Variants in FER1L6 observed in about 807,000 individuals in gnomAD.
FER1L6 encodes fer-1 like family member 6, also known as fer-1-like protein 6.
In FER1L6, 177 loss-of-function variants were observed where a neutral mutation model predicts 219.2. The ratio of observed to expected loss-of-function variants is 0.81; its 90% CI spans 0.71 to 0.91. The LOEUF is 0.91. FER1L6 is among the 40% of genes least tolerant of loss of function. The pLI, the probability that FER1L6 is intolerant of heterozygous loss-of-function variation, is 0.00. For missense variants in FER1L6, 2,153 were observed against 2,259.9 expected (o/e 0.95, Z 0.96); for synonymous variants, 768 against 824.3 (o/e 0.93, Z 1.17).
chr8:124,053,708 T>C (rs1457697596), intron 22 of FER1L6, among the ~76,000 whole-genome samples: 4 of 151,920 alleles, frequency 2.6e-5, no homozygotes, highest in African/African-American at 9.7e-5. Context: ...AACATAAAAA[T>C]TCAGCCGGGT....
At position 123,973,461 on chromosome 8, in the gene FER1L6, G is replaced by A. The variant is rs1312365350; in HGVS notation, c.475G>A (p.Val159Ile). ...SVFHHKLIGSVLIGSFKVDLG... is the reference protein window; with the variant it reads ...SVFHHKLIGSILIGSFKVDLG... ...CTTTCACCACAAGCTGATAGGAAGTGTACTGATTGGCTCTTTCAAAGTAGA... is the reference window on the plus strand; with the variant it reads ...CTTTCACCACAAGCTGATAGGAAGTATACTGATTGGCTCTTTCAAAGTAGA... The change falls in exon 7 of 41, where the codon GTA becomes ATA. Residue 159 changes from valine (V) to isoleucine (I), a missense_variant. By Grantham distance (29) the Val-to-Ile change is conservative. Coordinates refer to ENST00000522917, the MANE Select transcript of FER1L6 (RefSeq NM_001039112.2). 2.5e-6 allele frequency: 4 copies of A among 1,614,066 alleles called. No individual in the cohort carries two copies. The South Asian group carries it at 3.3e-5, about 13-fold the overall frequency.
intron 18 of FER1L6, among the ~76,000 whole-genome samples, chr8:124,032,631 C>A (rs1819022258): frequency 6.6e-6 from 1 of 151,214 alleles, no homozygotes; most frequent in Non-Finnish European, 1.5e-5. Context: ...GTCCAAGCTA[C>A]TTGAGAGGCT....
intron 1 of FER1L6, among the ~76,000 whole-genome samples, chr8:123,941,845 G>A (rs148437954): frequency 7.8e-4 from 118 of 152,200 alleles, no homozygotes; most frequent in African/African-American, 2.7e-3. Flanking sequence ...ACCTTGAAAG[G>A]GTACTGGATT....
chr8:124,095,407 C>T (rs1822239175), intron 35 of FER1L6, among the ~76,000 whole-genome samples: 1 of 152,128 alleles, frequency 6.6e-6, no homozygotes, highest in South Asian at 2.1e-4. Context: ...AAAACTTAAC[C>T]CATTGGGTAT....
At chr8:123,934,084 C>T (rs1813889615) in intron 1 of FER1L6, among the ~76,000 whole-genome samples, 1 of 152,152 alleles carries the variant, frequency 6.6e-6, no homozygotes, top group Non-Finnish European at 1.5e-5. Context: ...CCCTCCACTC[C>T]ACTCAGGAAA....
intron 12 of FER1L6, among the ~76,000 whole-genome samples, chr8:124,000,525 A>T (rs1817358711): frequency 6.6e-6 from 1 of 152,184 alleles, no homozygotes; most frequent in Non-Finnish European, 1.5e-5. Flanking sequence ...ATTCAGACAT[A>T]CTTGGATTCC....
At position 124,039,895 on chromosome 8, in the gene FER1L6, T is replaced by C. The variant is rs1379621219; in HGVS notation, c.2478T>C (p.Phe826=). The change falls in exon 20 of 41, where the codon TTT becomes TTC. Residue 826 remains phenylalanine (F), a synonymous_variant. Transcript: ENST00000522917. ...ATTTGTCCACAGAACAGCATGTTTT[T>C]CAGCTGAGGGCTCACATGTACCAAG... The part of the protein sequence containing the change: ...SNLLYQEQHV[F]QLRAHMYQAR... 2 of 1,614,146 alleles carry C rather than the reference T, an allele frequency of 1.2e-6. No homozygotes were observed.
intron 31 of FER1L6, among the ~76,000 whole-genome samples, chr8:124,073,606 T>G (rs193181251): frequency 6.6e-6 from 1 of 152,352 alleles, no homozygotes; most frequent in Admixed American, 6.5e-5. Context: ...GTTGGCCATT[T>G]TTTTCTAGAT....
intron 13 of FER1L6, among the ~76,000 whole-genome samples, chr8:124,004,445 C>T (rs529316054): frequency 7.9e-5 from 12 of 152,256 alleles, no homozygotes; most frequent in East Asian, 5.8e-4. Context: ...TACATCTCTA[C>T]GCTCCTCAGT....
chr8:123,973,596 G>C, intron 7 of FER1L6, 84 bp downstream of exon 7: 1 of 987,782 alleles, frequency 1.0e-6, no homozygotes. Flanking sequence ...TCACTCACCT[G>C]TGTGACCATT....
At position 124,103,291 on chromosome 8, in the gene FER1L6, T is replaced by A. The variant is rs1822624215; in HGVS notation, c.5271T>A (p.Ser1757=). The A allele has an allele frequency of 6.2e-7, 1 of 1,613,938 alleles. No homozygotes were observed. The highest frequency in any genetic ancestry group is 1.3e-5 in the African/African-American group (1 of 75,010). ...GTGTGCGTGGCTGGTGGCCTTTTTC[T>A]AAAAGCAAAGAACTCACAGTAAGTG... The part of the protein sequence containing the change: ...QKRVRGWWPF[S]KSKELTGKVE... The change falls in exon 39 of 41, where the codon TCT becomes TCA. Residue 1757 remains serine, a synonymous_variant. Coordinates refer to ENST00000522917, the MANE Select transcript of FER1L6 (RefSeq NM_001039112.2).
chr8:123,942,071 C>T (rs1322258724), intron 1 of FER1L6, among the ~76,000 whole-genome samples: 4 of 152,026 alleles, frequency 2.6e-5, no homozygotes, highest in Non-Finnish European at 4.4e-5. Flanking sequence ...GAGCCCAGGC[C>T]CCTTCCTTTG....
intron 2 of FER1L6, among the ~76,000 whole-genome samples, chr8:123,960,425 T>A (rs185042231): frequency 2.0e-5 from 3 of 152,294 alleles, no homozygotes; most frequent in African/African-American, 7.2e-5. Context: ...GAGGAAAATG[T>A]TATAAGGGTT....
At chr8:123,889,887 G>A (rs1194761499) in intron 1 of FER1L6, among the ~76,000 whole-genome samples, 3 of 152,048 alleles carry the variant, frequency 2.0e-5, no homozygotes, top group Admixed American at 6.6e-5. Context: ...GTCTGCGTAA[G>A]TCATATGTAG....
chr8:124,009,046 T>G (rs1449917371), intron 13 of FER1L6, among the ~76,000 whole-genome samples: 1 of 152,026 alleles, frequency 6.6e-6, no homozygotes, highest in Non-Finnish European at 1.5e-5. Flanking sequence ...GATGTTGGCA[T>G]GAATGCAGTG....
At chr8:124,020,314 G>A (rs1818404025) in intron 16 of FER1L6, among the ~76,000 whole-genome samples, 1 of 152,068 alleles carries the variant, frequency 6.6e-6, no homozygotes, top group South Asian at 2.1e-4. Context: ...TTTATTAGCA[G>A]CACGAGAACA....
At chr8:123,969,354 C>G (rs944910797) in intron 5 of FER1L6, among the ~76,000 whole-genome samples, 3 of 152,050 alleles carry the variant, frequency 2.0e-5, no homozygotes, top group African/African-American at 7.2e-5. Context: ...ACTGAAAAAT[C>G]CTGGGAAAAG....
intron 11 of FER1L6, among the ~76,000 whole-genome samples, chr8:123,981,492 C>T (rs1230517976): frequency 6.6e-6 from 1 of 152,118 alleles, no homozygotes; most frequent in East Asian, 1.9e-4. Context: ...GATTCCAGCT[C>T]CTAGCTTGAC....
At chr8:123,856,699 T>C (rs980156872) in intron 1 of FER1L6, among the ~76,000 whole-genome samples, 2 of 151,798 alleles carry the variant, frequency 1.3e-5, no homozygotes, top group Admixed American at 1.3e-4. Context: ...TCTGTCTGCT[T>C]GGATGAAGAG....
Sources: allele counts gnomAD v4.1 joint callset (sites outside exome capture counted in the v4.1 genomes callset), GRCh38; gene constraint gnomAD v4.1.1; transcripts MANE v1.5; gene names NCBI Gene and HGNC (gene_info 2026-07-23, HGNC 2026-07-21).